Variants in ASAP1 observed in about 807,000 individuals in gnomAD.
The protein encoded by ASAP1 is arf-GAP with SH3 domain, ANK repeat and PH domain-containing protein 1.
A neutral mutation model predicts 145.2 loss-of-function variants in ASAP1; 43 were observed. The observed-to-expected ratio is 0.30, with a 90% CI of 0.23 to 0.38. The LOEUF is 0.38. Among genes scored for constraint, ASAP1 ranks in the 10% least tolerant of loss-of-function variants. The pLI is 1.00. For missense variants in ASAP1, 1,018 were observed against 1,355.3 expected, an observed-to-expected ratio of 0.75 and a Z score of 3.91; for synonymous variants, 546 against 515.5, an observed-to-expected ratio of 1.06 and a Z score of -0.80.
chr8:130,258,264 C>T (rs189500297), intron 3 of ASAP1, among the ~76,000 whole-genome samples: 79 of 152,316 alleles, frequency 5.2e-4, no homozygotes, highest in Non-Finnish European at 1.0e-3. Context: ...CTGCAGTCTA[C>T]CTCCTCCAAG....
chr8:130,234,451 A>C (rs2136646366), intron 4 of ASAP1, among the ~76,000 whole-genome samples: 1 of 152,224 alleles, frequency 6.6e-6, no homozygotes, highest in Non-Finnish European at 1.5e-5. Context: ...GGTGCAGTCT[A>C]CTGGAGGAGG....
intron 3 of ASAP1, among the ~76,000 whole-genome samples, chr8:130,332,362 C>T (rs752774022): frequency 2.0e-5 from 3 of 152,200 alleles, no homozygotes; most frequent in African/African-American, 4.8e-5. Context: ...ATCCACACCA[C>T]CTGCACTTTT....
intron 24 of ASAP1, among the ~76,000 whole-genome samples, chr8:130,103,612 T>G (rs1205504602): frequency 6.6e-6 from 1 of 152,180 alleles, no homozygotes; most frequent in African/African-American, 2.4e-5. Context: ...CAAGTGATTT[T>G]CTGCCTCAGC....
chr8:130,243,492 T>C (rs1586669335), intron 3 of ASAP1, among the ~76,000 whole-genome samples: 1 of 152,266 alleles, frequency 6.6e-6, no homozygotes, highest in South Asian at 2.1e-4. Flanking sequence ...GAATTCACTG[T>C]TCTTCCAATA....
chr8:130,181,146 C>T (rs1239420908), intron 7 of ASAP1, among the ~76,000 whole-genome samples: 1 of 152,040 alleles, frequency 6.6e-6, no homozygotes, highest in Non-Finnish European at 1.5e-5. Context: ...CATGTCTTCC[C>T]GTTAACAAAA....
intron 24 of ASAP1, among the ~76,000 whole-genome samples, chr8:130,096,940 A>G (rs1035570500): frequency 6.6e-6 from 1 of 151,954 alleles, no homozygotes; most frequent in African/African-American, 2.4e-5. Flanking sequence ...AGCCTGGCCA[A>G]CATAATGAAA....
chr8:130,441,852 T>G (rs891375522), intron 1 of ASAP1, among the ~76,000 whole-genome samples: 2 of 151,994 alleles, frequency 1.3e-5, no homozygotes, highest in Non-Finnish European at 2.9e-5. Context: ...ATGAGAAAAA[T>G]AGATGGGCTG....
At chr8:130,245,576 T>G (rs551308166) in intron 3 of ASAP1, among the ~76,000 whole-genome samples, 15 of 152,294 alleles carry the variant, frequency 9.8e-5, no homozygotes, top group African/African-American at 3.4e-4. Context: ...AGCTATCAAC[T>G]TCCCAAGCCA....
chr8:130,253,692 T>C (rs1044690396), intron 3 of ASAP1, among the ~76,000 whole-genome samples: 5 of 152,220 alleles, frequency 3.3e-5, no homozygotes, highest in East Asian at 1.9e-4. Context: ...TACATGTATA[T>C]AGATGAAGAC....
At position 130,092,012 on chromosome 8, in the gene ASAP1, G is replaced by C; in HGVS notation, c.2533C>G (p.Leu845Val). 1 of 1,564,252 alleles carries C rather than the reference G, an allele frequency of 6.4e-7. No homozygotes were observed. Among genetic ancestry groups the C allele is most frequent in the Admixed American group, 2.1e-5 (1 of 48,584 alleles). ...CCTTTGTTTGGGGGCCCATGAGGTA[G>C]TGGGCTGGGAGGGTCGGATAGGGTT... is the stretch of plus-strand genomic sequence containing the variant. The part of the protein sequence containing the change: ...KRTLSDPPSP[L>V]PHGPPNKGAV... The change falls in exon 25 of 30, where the codon CTA becomes GTA. Residue 845 changes from leucine (L) to valine (V), a missense_variant. Leu to Val is a conservative substitution (Grantham distance 32). Transcript: ENST00000518721.
At chr8:130,102,330 C>A (rs1285575696) in intron 24 of ASAP1, among the ~76,000 whole-genome samples, 1 of 152,088 alleles carries the variant, frequency 6.6e-6, no homozygotes, top group Non-Finnish European at 1.5e-5. Context: ...TTATCAAATG[C>A]TTTTTCTGCA....
intron 4 of ASAP1, among the ~76,000 whole-genome samples, chr8:130,218,797 G>A (rs1817095137): frequency 6.6e-6 from 1 of 151,890 alleles, no homozygotes; most frequent in South Asian, 2.1e-4. Flanking sequence ...TAGGTCATGG[G>A]TCCTGTATGT....
chr8:130,104,120 G>A (rs971738626), intron 24 of ASAP1, among the ~76,000 whole-genome samples: 6 of 152,102 alleles, frequency 3.9e-5, no homozygotes, highest in Admixed American at 2.6e-4. Flanking sequence ...GCCAGGGCCC[G>A]GCATGCTCTG....
intron 3 of ASAP1, among the ~76,000 whole-genome samples, chr8:130,266,411 T>C (rs534476921): frequency 3.3e-5 from 5 of 152,294 alleles, no homozygotes; most frequent in African/African-American, 1.2e-4. Flanking sequence ...GGGAGGGTTC[T>C]GTGTACTGTA....
Position 130,236,996 on chromosome 8 carries a change from T to TAAAAA in ASAP1, c.187-3_187-2insTTTTT. ...GGCTGTTCTATCTTGGTCTAGAGCC[T>TAAAAA]AAAAGAGAAAAAAGGGGGAAAAGAT... On this transcript the variant is annotated splice_polypyrimidine_tract_variant and splice_region_variant and intron_variant, in intron 3 of 29. Coordinates refer to ENST00000518721, the MANE Select transcript of ASAP1 (RefSeq NM_018482.4). 1 of 1,574,938 alleles carries TAAAAA rather than the reference T, an allele frequency of 6.3e-7. No homozygotes were observed. The highest frequency in any genetic ancestry group is 1.2e-5 in the South Asian group (1 of 84,214).
At chr8:130,266,723 A>G (rs1265726292) in intron 3 of ASAP1, among the ~76,000 whole-genome samples, 1 of 152,180 alleles carries the variant, frequency 6.6e-6, no homozygotes, top group Non-Finnish European at 1.5e-5. Context: ...ACATGACACA[A>G]TTTGTAAAAA....
chr8:130,182,807 C>A (rs1586538389), intron 7 of ASAP1, among the ~76,000 whole-genome samples: 6 of 39,568 alleles, frequency 1.5e-4, no homozygotes, highest in Admixed American at 2.9e-4. Flanking sequence ...ATCTATGAAA[C>A]AAGAAATAGA....
intron 1 of ASAP1, among the ~76,000 whole-genome samples, chr8:130,428,810 A>G (rs918371799): frequency 1.2e-4 from 18 of 152,150 alleles, no homozygotes; most frequent in African/African-American, 4.3e-4. Flanking sequence ...CACCACCACC[A>G]CCACCATCAT....
intron 3 of ASAP1, among the ~76,000 whole-genome samples, chr8:130,314,590 G>T (rs1460216466): frequency 6.6e-6 from 1 of 152,182 alleles, no homozygotes; most frequent in Non-Finnish European, 1.5e-5. Flanking sequence ...AGATTGCCAG[G>T]CCTGTTCAGT....
Sources: allele counts gnomAD v4.1 joint callset (sites outside exome capture counted in the v4.1 genomes callset), GRCh38; gene constraint gnomAD v4.1.1; transcripts MANE v1.5; gene names NCBI Gene and HGNC (gene_info 2026-07-23, HGNC 2026-07-21).